The following SLCO2A1 variants were observed in gnomAD, a reference collection of about 807,000 sequenced individuals.
SLCO2A1 encodes the protein solute carrier organic anion transporter family member 2A1.
SLCO2A1 carries 60 observed loss-of-function variants against 71.7 expected under a neutral mutation model. That is an observed-to-expected ratio of 0.84 (90% CI 0.68 to 1.04). The LOEUF is 1.04. Ranked by LOEUF, SLCO2A1 falls within the 50% of genes least tolerant of loss-of-function variation. The probability of loss-of-function intolerance (pLI) is 0.00; values close to 1 mark genes in which losing one functional copy is unlikely to be tolerated. For missense variants in SLCO2A1, 745 were observed against 813.4 expected (o/e 0.92, Z 1.02); for synonymous variants, 308 against 326.7 (o/e 0.94, Z 0.62).
intron 3 of SLCO2A1, among the ~76,000 whole-genome samples, chr3:133,969,115 A>G (rs1934263926): frequency 6.6e-6 from 1 of 152,154 alleles, no homozygotes; most frequent in Non-Finnish European, 1.5e-5. Context: ...TTCAAATACC[A>G]CAACAAGGGC....
At chr3:134,012,261 G>T (rs1396582892) in intron 1 of SLCO2A1, among the ~76,000 whole-genome samples, 1 of 152,174 alleles carries the variant, frequency 6.6e-6, no homozygotes. Context: ...AGGGGAGACA[G>T]TATTGTACTA....
chr3:134,023,505 A>G (rs1935638196), intron 1 of SLCO2A1, among the ~76,000 whole-genome samples: 1 of 152,172 alleles, frequency 6.6e-6, no homozygotes, highest in Admixed American at 6.5e-5. Context: ...GGAGATTTCA[A>G]TAAAGACCCC....
chr3:134,009,785 G>T (rs1935294881), intron 1 of SLCO2A1, among the ~76,000 whole-genome samples: 2 of 152,246 alleles, frequency 1.3e-5, no homozygotes, highest in African/African-American at 4.8e-5. Flanking sequence ...TGTGTCCATT[G>T]TTATAAAGCA....
At chr3:134,013,737 A>G (rs1417783255) in intron 1 of SLCO2A1, among the ~76,000 whole-genome samples, 3 of 152,240 alleles carry the variant, frequency 2.0e-5, no homozygotes, top group African/African-American at 4.8e-5. Context: ...TAGAGCATCA[A>G]TGTTACTCCA....
chr3:133,973,583 G>A, intron 3 of SLCO2A1, 80 bp downstream of exon 3: 1 of 1,464,416 alleles, frequency 6.8e-7, no homozygotes, highest in Non-Finnish European at 9.4e-7. Flanking sequence ...GGTATCCACT[G>A]CCCTAGGAGT....
Position 134,029,729 on chromosome 3 carries a change from C to G in SLCO2A1, c.74G>C (p.Arg25Pro), listed in dbSNP as rs370772926. Reference protein sequence around the residue: ...TSTSRAGRCARSVFGNIKVFV... With the variant: ...TSTSRAGRCAPSVFGNIKVFV... ...CACCTTAATGTTGCCGAAGACCGAG[C>G]GGGCACAGCGGCCGGCTCGGCTAGT... Residue 25 changes from arginine (R) to proline (P), a missense_variant, in exon 1 of 14, where the codon CGC becomes CCC. Coordinates refer to ENST00000310926, the MANE Select transcript of SLCO2A1 (RefSeq NM_005630.3). 6.9e-6 allele frequency: 11 copies of G among 1,588,510 alleles called. No individual in the cohort carries two copies. The highest frequency in any genetic ancestry group is 7.7e-6 in the Non-Finnish European group (9 of 1,171,432).
intron 1 of SLCO2A1, among the ~76,000 whole-genome samples, chr3:134,020,899 T>C (rs1404429052): frequency 6.6e-6 from 1 of 151,420 alleles, no homozygotes; most frequent in South Asian, 2.1e-4. Context: ...TCACCCATGG[T>C]GTGCCTTTAT....
At position 133,938,506 on chromosome 3, in the gene SLCO2A1, A is replaced by G; in HGVS notation, c.1626-13T>C. The G allele has an allele frequency of 3.1e-6, 5 of 1,613,812 alleles. No individual in the cohort carries two copies. The highest frequency in any genetic ancestry group is 4.2e-6 in the Non-Finnish European group (5 of 1,179,734). ...CTGGTTCACCACACTGAAAAGACAG[A>G]CAGGAAATCAGCAGTGGGAGGATTC... On this transcript the variant is annotated splice_polypyrimidine_tract_variant and intron_variant, in intron 11 of 13. Transcript: ENST00000310926.
chr3:133,995,271 T>C (rs1439123783), intron 1 of SLCO2A1, among the ~76,000 whole-genome samples: 1 of 152,050 alleles, frequency 6.6e-6, no homozygotes, highest in African/African-American at 2.4e-5. Context: ...AAAATGGAGA[T>C]CAGAGCCTGT....
intron 5 of SLCO2A1, among the ~76,000 whole-genome samples, chr3:133,953,339 T>C (rs1182082858): frequency 6.6e-6 from 1 of 152,150 alleles, no homozygotes; most frequent in African/African-American, 2.4e-5. Flanking sequence ...ACCCAGCCCA[T>C]AGAAATATTT....
chr3:133,977,311 TA>T (rs1269515051), intron 2 of SLCO2A1, among the ~76,000 whole-genome samples: 1 of 152,212 alleles, frequency 6.6e-6, no homozygotes, highest in African/African-American at 2.4e-5. Flanking sequence ...ATGGGTGAAT[TA>T]TTTTTATTTC....
chr3:133,994,074 A>G (rs957693122), intron 1 of SLCO2A1, among the ~76,000 whole-genome samples: 5 of 152,116 alleles, frequency 3.3e-5, no homozygotes, highest in Non-Finnish European at 1.5e-5. Context: ...GCAGGGAAGC[A>G]TGGGGGGCAT....
intron 1 of SLCO2A1, among the ~76,000 whole-genome samples, chr3:133,993,361 T>A (rs149140044): frequency 2.0e-4 from 31 of 152,334 alleles, no homozygotes; most frequent in African/African-American, 5.8e-4. Flanking sequence ...GGAGTAGGAA[T>A]GGAGCATGTG....
chr3:133,952,112 G>A (rs1430161613), intron 5 of SLCO2A1, among the ~76,000 whole-genome samples: 1 of 152,192 alleles, frequency 6.6e-6, no homozygotes, highest in African/African-American at 2.4e-5. Context: ...AAGCTTCCCT[G>A]GGCACTGCCC....
At chr3:133,963,443 G>C (rs1227800365) in intron 3 of SLCO2A1, among the ~76,000 whole-genome samples, 1 of 152,154 alleles carries the variant, frequency 6.6e-6, no homozygotes, top group African/African-American at 2.4e-5. Context: ...GGGGACCCTA[G>C]AACGACCAAG....
intron 1 of SLCO2A1, among the ~76,000 whole-genome samples, chr3:133,987,317 A>G (rs1284012694): frequency 1.3e-5 from 2 of 151,850 alleles, no homozygotes; most frequent in Non-Finnish European, 2.9e-5. Flanking sequence ...AAGTCTGATA[A>G]GAAACATGTA....
rs1374412531 is a variant in SLCO2A1 at position 133,932,941 on chromosome 3, T to G, written c.*1772A>C. 6.6e-6 allele frequency: 1 copy of G among 152,610 alleles called. No individual in the cohort carries two copies. Among genetic ancestry groups the G allele is most frequent in the Non-Finnish European group, 1.5e-5 (1 of 68,034 alleles). 9.5% of individuals were successfully genotyped at this position (152,610 alleles called of 1,614,324 possible). The stretch of plus-strand genomic sequence containing the variant: ...CCCTGAGGTTACATTGAGCCTCCCT[T>G]CCTGAGTGAGATGTTTGGAAATGAG... On this transcript the variant is annotated 3_prime_UTR_variant, in exon 14 of 14. Coordinates refer to ENST00000310926, the MANE Select transcript of SLCO2A1 (RefSeq NM_005630.3).
intron 1 of SLCO2A1, among the ~76,000 whole-genome samples, chr3:133,991,589 G>T (rs1934847370): frequency 6.6e-6 from 1 of 151,786 alleles, no homozygotes; most frequent in Admixed American, 6.6e-5. Context: ...CCTTTGATAA[G>T]ACATGGTCCT....
At chr3:133,973,515 C>A (rs1405626161) in intron 3 of SLCO2A1, 148 bp downstream of exon 3, 3 of 816,780 alleles carry the variant, frequency 3.7e-6, no homozygotes, top group Non-Finnish European at 5.7e-6. Flanking sequence ...AGTTCAGTTG[C>A]TCCATAGCTC....
Sources: allele counts gnomAD v4.1 joint callset (sites outside exome capture counted in the v4.1 genomes callset), GRCh38; gene constraint gnomAD v4.1.1; transcripts MANE v1.5; gene names NCBI Gene and HGNC (gene_info 2026-07-23, HGNC 2026-07-21).